The following CCDC148 variants were observed in gnomAD, a reference collection of about 807,000 sequenced individuals.
CCDC148 encodes the protein coiled-coil domain-containing protein 148.
Under a neutral mutation model 85.7 loss-of-function variants are expected in CCDC148, and 89 were observed. That is an observed-to-expected ratio of 1.04 (90% CI 0.87 to 1.24). The LOEUF (loss-of-function observed/expected upper bound fraction) is 1.24. Ranked by LOEUF, CCDC148 falls within the 50% of genes most tolerant of loss-of-function variation. CCDC148 has a pLI of 0.00. For missense variants in CCDC148, 692 were observed against 671.7 expected, an observed-to-expected ratio of 1.03 and a Z score of -0.33; for synonymous variants, 230 against 213.9, an observed-to-expected ratio of 1.08 and a Z score of -0.66.
chr2:158,423,143 T>A (rs903082466), intron 1 of CCDC148, among the ~76,000 whole-genome samples: 1 of 152,066 alleles, frequency 6.6e-6, no homozygotes, highest in Non-Finnish European at 1.5e-5. Flanking sequence ...ATCGTGAAAA[T>A]GGCCACACTG....
At chr2:158,350,332 A>C (rs1203969267) in intron 2 of CCDC148, among the ~76,000 whole-genome samples, 1 of 152,180 alleles carries the variant, frequency 6.6e-6, no homozygotes, top group Non-Finnish European at 1.5e-5. Context: ...CATTCAGCCA[A>C]AATGTCTTTT....
At chr2:158,282,935 A>G (rs1161445574) in intron 9 of CCDC148, among the ~76,000 whole-genome samples, 3 of 152,348 alleles carry the variant, frequency 2.0e-5, no homozygotes, top group Non-Finnish European at 2.9e-5. Context: ...ACAGAGATAT[A>G]GATCAATGGA....
chr2:158,389,628 A>G (rs1185610234), intron 1 of CCDC148, among the ~76,000 whole-genome samples: 1 of 152,216 alleles, frequency 6.6e-6, no homozygotes, highest in African/African-American at 2.4e-5. Context: ...AATGCTCTGT[A>G]GGACCACAAC....
At chr2:158,352,604 T>C (rs1279550271) in intron 2 of CCDC148, among the ~76,000 whole-genome samples, 1 of 152,128 alleles carries the variant, frequency 6.6e-6, no homozygotes, top group Middle Eastern at 3.2e-3. Flanking sequence ...GTCTGATTGG[T>C]GTACCTGAAA....
intron 11 of CCDC148, among the ~76,000 whole-genome samples, chr2:158,197,391 A>C (rs902073032): frequency 6.6e-6 from 1 of 152,148 alleles, no homozygotes; most frequent in Non-Finnish European, 1.5e-5. Flanking sequence ...TTGTCCCCAC[A>C]AACAGATATG....
intron 7 of CCDC148, among the ~76,000 whole-genome samples, chr2:158,332,950 T>A (rs1162814211): frequency 6.6e-6 from 1 of 152,118 alleles, no homozygotes; most frequent in Non-Finnish European, 1.5e-5. Flanking sequence ...ACTAGCAGTC[T>A]ATTTATTTTG....
At chr2:158,181,524 T>C (rs1398250740) in intron 11 of CCDC148, among the ~76,000 whole-genome samples, 2 of 152,014 alleles carry the variant, frequency 1.3e-5, no homozygotes, top group African/African-American at 2.4e-5. Flanking sequence ...GATGGGACAA[T>C]GGGGCAGAGA....
chr2:158,369,125 T>C (rs1226816829), intron 1 of CCDC148, among the ~76,000 whole-genome samples: 1 of 152,154 alleles, frequency 6.6e-6, no homozygotes, highest in African/African-American at 2.4e-5. Flanking sequence ...AATACCAATA[T>C]GTAGAAATAG....
chr2:158,456,648 TCCCTGTCCTCTCCGCCACC>T lies in CCDC148; in HGVS notation c.-228_-210del. Reference sequence around the variant, plus strand: ...ATTTCAGAGCCAGCGCTGGGGAATCTCCCTGTCCTCTCCGCCACCCCCTCCCGCGCCCGAGACCTGAGAC... The same window carrying T: ...ATTTCAGAGCCAGCGCTGGGGAATCTCCCTCCCGCGCCCGAGACCTGAGAC... On this transcript the variant is annotated 5_prime_UTR_variant, in exon 1 of 14. The change creates a premature stop within an existing upstream ORF in the 5' untranslated region. Transcript: ENST00000283233. The T allele has an allele frequency of 3.2e-6, 2 of 629,640 alleles. No individual in the cohort carries two copies. Among genetic ancestry groups the T allele is most frequent in the Non-Finnish European group, 5.5e-6 (2 of 366,682 alleles). 39.0% of individuals were successfully genotyped at this position (629,640 alleles called of 1,614,324 possible).
chr2:158,226,710 G>C (rs28853307), intron 10 of CCDC148, among the ~76,000 whole-genome samples: 3 of 151,852 alleles, frequency 2.0e-5, no homozygotes, highest in South Asian at 2.1e-4. Flanking sequence ...AAAACCACAT[G>C]ATTATCTCAA....
chr2:158,357,729 A>C (rs937301683), intron 2 of CCDC148, among the ~76,000 whole-genome samples: 1 of 152,186 alleles, frequency 6.6e-6, no homozygotes, highest in Non-Finnish European at 1.5e-5. Flanking sequence ...CTTTGAAATA[A>C]TAACAATTGC....
intron 9 of CCDC148, among the ~76,000 whole-genome samples, 159 bp from the exon 10 acceptor site, chr2:158,251,071 C>T (rs547663204): frequency 6.6e-6 from 1 of 151,578 alleles, no homozygotes; most frequent in East Asian, 1.9e-4. Context: ...ATCTGTGAAA[C>T]GTGTGTGTTA....
In CCDC148 at chr2:158,262,071, T is replaced by C. The variant is rs546789368; in HGVS notation, c.1111-11159A>G. Among the ~76,000 whole-genome samples the C allele has an allele frequency of 2.1e-4, 32 of 152,214 alleles. No individual in the cohort carries two copies. In the South Asian group the frequency reaches 6.0e-3, roughly 29 times the overall value. ...AAAAAGACGTGCATGCAAATGTTCA[T>C]TGCAGCACTATTCACAATAGCAAAG... On this transcript the variant is annotated intron_variant, in intron 9 of 13. Coordinates refer to ENST00000283233, the MANE Select transcript of CCDC148 (RefSeq NM_138803.4).
chr2:158,284,060 C>T (rs10211172), intron 9 of CCDC148, among the ~76,000 whole-genome samples: 1 of 144,902 alleles, frequency 6.9e-6, no homozygotes, highest in Non-Finnish European at 1.5e-5. Flanking sequence ...CTCACTCATA[C>T]GTGGGAATTG....
chr2:158,210,960 A>G (rs1456951249), intron 11 of CCDC148, among the ~76,000 whole-genome samples: 3 of 124,562 alleles, frequency 2.4e-5, no homozygotes, highest in Non-Finnish European at 5.4e-5. Context: ...CTCTGTCTCG[A>G]AAAAAAAAAA....
At chr2:158,242,723 A>G (rs1008573305) in intron 10 of CCDC148, among the ~76,000 whole-genome samples, 1 of 150,554 alleles carries the variant, frequency 6.6e-6, no homozygotes, top group African/African-American at 2.5e-5. Flanking sequence ...ATACCTCCAT[A>G]TCTAGGAACT....
At chr2:158,314,853 T>C (rs1692204303) in intron 7 of CCDC148, among the ~76,000 whole-genome samples, 1 of 152,234 alleles carries the variant, frequency 6.6e-6, no homozygotes, top group Non-Finnish European at 1.5e-5. Flanking sequence ...AAGTTAACTG[T>C]GCATTTCAAA....
chr2:158,286,628 G>C (rs889354266), intron 9 of CCDC148, among the ~76,000 whole-genome samples: 5 of 152,156 alleles, frequency 3.3e-5, no homozygotes, highest in Non-Finnish European at 5.9e-5. Context: ...TCTAAGGTAG[G>C]ACAGTATTTG....
At chr2:158,407,187 C>T (rs1276865235) in intron 1 of CCDC148, among the ~76,000 whole-genome samples, 2 of 152,150 alleles carry the variant, frequency 1.3e-5, no homozygotes, top group Non-Finnish European at 2.9e-5. Context: ...CCATCTGCCA[C>T]CCAAGCTGTT....
Sources: allele counts gnomAD v4.1 joint callset (sites outside exome capture counted in the v4.1 genomes callset), GRCh38; gene constraint gnomAD v4.1.1; transcripts MANE v1.5; gene names NCBI Gene and HGNC (gene_info 2026-07-23, HGNC 2026-07-21).